FYB2: variants seen among roughly 807,000 people sequenced by gnomAD.
FYB2 encodes FYN-binding protein 2.
FYB2 carries 103 observed loss-of-function variants against 94.1 expected under a neutral mutation model. The ratio of observed to expected loss-of-function variants is 1.09; its 90% CI spans 0.93 to 1.29. The LOEUF is 1.29. FYB2 is among the 50% of genes most tolerant of loss of function. The pLI is 0.00. For synonymous variants in FYB2, 293 were observed against 287.9 expected (o/e 1.02, Z -0.18); for missense variants, 896 against 841.5 (o/e 1.06, Z -0.80).
upstream of FYB2, among the ~76,000 whole-genome samples, chr1:56,820,723 C>T (rs903271411): frequency 2.6e-5 from 4 of 152,216 alleles, no homozygotes; most frequent in African/African-American, 9.7e-5. Flanking sequence ...GGCCCAGGGA[C>T]TGGCAGTTTG....
intron 4 of FYB2, among the ~76,000 whole-genome samples, chr1:56,777,239 CAAAAAAAAAAAAA>C (rs1453236717): frequency 4.2e-4 from 2 of 4,798 alleles, no homozygotes; most frequent in African/African-American, 5.4e-3. Context: ...GTCTCAAAAA[CAAAAAAAAAAAAA>C]AAAAAAAAAA....
At chr1:56,778,807 T>A (rs1182097041) in intron 4 of FYB2, among the ~76,000 whole-genome samples, 2 of 152,220 alleles carry the variant, frequency 1.3e-5, no homozygotes, top group Non-Finnish European at 2.9e-5. Context: ...TATTTGTTAT[T>A]TATTTTTCTT....
At chr1:56,756,217 C>T (rs533092563) in intron 6 of FYB2, among the ~76,000 whole-genome samples, 3 of 152,250 alleles carry the variant, frequency 2.0e-5, no homozygotes, top group East Asian at 1.9e-4. Flanking sequence ...GCATCGGAAA[C>T]GTAAATAACT....
intron 1 of FYB2, among the ~76,000 whole-genome samples, chr1:56,806,508 G>T (rs1225517848): frequency 6.6e-6 from 1 of 152,066 alleles, no homozygotes; most frequent in Non-Finnish European, 1.5e-5. Flanking sequence ...CCCCTTGAAA[G>T]GTCTCACAGG....
chr1:56,755,746 C>T (rs1645312621), intron 7 of FYB2, 150 bp downstream of exon 7: 1 of 704,838 alleles, frequency 1.4e-6, no homozygotes, highest in East Asian at 2.5e-5. Flanking sequence ...TGGATCACTT[C>T]CTCTGTACTA....
Position 56,742,338 on chromosome 1 carries a change from T to C in FYB2, c.1544-117A>G, listed in dbSNP as rs554963732. 16 of 701,142 alleles carry C rather than the reference T, an allele frequency of 2.3e-5. No homozygotes were observed. In the African/African-American group the frequency reaches 2.6e-4, roughly 11 times the overall value. 43.4% of individuals were successfully genotyped at this position (701,142 alleles called of 1,614,324 possible). On this transcript the variant is annotated intron_variant, in intron 11 of 19. Transcript: ENST00000343433. ...CTAGGTACTTTGATCTTTCTTTTGT[T>C]AAATAGTTTTTACTGAAACTCACCC...
chr1:56,779,220 T>C (rs989133198), intron 4 of FYB2, among the ~76,000 whole-genome samples: 1 of 152,172 alleles, frequency 6.6e-6, no homozygotes, highest in African/African-American at 2.4e-5. Context: ...CTGGGAAAAG[T>C]ACAACATTTT....
At chr1:56,813,462 A>AC (rs1179151609) in intron 1 of FYB2, among the ~76,000 whole-genome samples, 2 of 152,092 alleles carry the variant, frequency 1.3e-5, no homozygotes, top group Non-Finnish European at 2.9e-5. Context: ...GGAAAAACCC[A>AC]CCCCCATGAT....
At chr1:56,755,130 G>T (rs1306348677) in intron 7 of FYB2, among the ~76,000 whole-genome samples, 1 of 152,080 alleles carries the variant, frequency 6.6e-6, no homozygotes, top group Non-Finnish European at 1.5e-5. Flanking sequence ...CTCTGAAGAG[G>T]CAGGTAAGAG....
the FYB2 span, among the ~76,000 whole-genome samples, chr1:56,825,696 C>G: frequency 6.6e-6 from 1 of 152,114 alleles, no homozygotes; most frequent in African/African-American, 2.4e-5. Flanking sequence ...GTCATGAAGT[C>G]CGGTCATTCC....
At chr1:56,806,083 C>T (rs1441956221) in intron 1 of FYB2, among the ~76,000 whole-genome samples, 1 of 152,242 alleles carries the variant, frequency 6.6e-6, no homozygotes, top group South Asian at 2.1e-4. Flanking sequence ...TTGTTGTATT[C>T]CTATTACAGG....
At chr1:56,825,419 T>C in the FYB2 span, among the ~76,000 whole-genome samples, 1 of 152,164 alleles carries the variant, frequency 6.6e-6, no homozygotes, top group Non-Finnish European at 1.5e-5. Flanking sequence ...TCCTTTCTCT[T>C]GGCTTCCACC....
At chr1:56,775,202 T>G (rs888444580) in intron 4 of FYB2, among the ~76,000 whole-genome samples, 4 of 152,098 alleles carry the variant, frequency 2.6e-5, no homozygotes, top group African/African-American at 9.7e-5. Flanking sequence ...CACTTACCAA[T>G]TCTACTATGA....
intron 19 of FYB2, 146 bp downstream of exon 19, chr1:56,719,876 A>C (rs1644452617): frequency 2.0e-6 from 2 of 990,822 alleles, no homozygotes; most frequent in Non-Finnish European, 2.9e-6. Context: ...CTCTTCCAAC[A>C]TAATCCTTAT....
chr1:56,763,776 T>C (rs577855617), intron 5 of FYB2, among the ~76,000 whole-genome samples: 2 of 152,196 alleles, frequency 1.3e-5, no homozygotes, highest in East Asian at 3.9e-4. Context: ...ATTTTCTCTA[T>C]TGTTTTTTGT....
chr1:56,803,482 G>A (rs1015769221), intron 1 of FYB2, among the ~76,000 whole-genome samples: 6 of 152,180 alleles, frequency 3.9e-5, no homozygotes, highest in African/African-American at 1.2e-4. Context: ...TGGACTGATA[G>A]TTATTCCCTG....
intron 11 of FYB2, among the ~76,000 whole-genome samples, chr1:56,743,119 T>C (rs1046603519): frequency 1.3e-5 from 2 of 152,098 alleles, no homozygotes; most frequent in Non-Finnish European, 2.9e-5. Context: ...AATACTTTTG[T>C]TATTAACTAT....
chr1:56,732,247 A>G (rs1218564505), intron 15 of FYB2, among the ~76,000 whole-genome samples: 3 of 152,204 alleles, frequency 2.0e-5, no homozygotes, highest in Non-Finnish European at 4.4e-5. Flanking sequence ...GCAAAAAACA[A>G]AAATACATAG....
intron 4 of FYB2, among the ~76,000 whole-genome samples, chr1:56,777,452 T>C (rs1645907258): frequency 6.6e-6 from 1 of 152,186 alleles, no homozygotes. Context: ...ACTTTAATTA[T>C]GCAGCTGGTA....
Sources: gnomAD v4.1 joint callset for allele counts (sites outside exome capture counted in the v4.1 genomes callset) on GRCh38, gnomAD v4.1.1 for gene constraint, MANE v1.5 for transcripts, NCBI Gene and HGNC (gene_info 2026-07-23, HGNC 2026-07-21) for gene names.